The following SNX4 variants were observed in gnomAD, a reference collection of about 807,000 sequenced individuals.
The protein encoded by SNX4 is sorting nexin-4.
SNX4 carries 49 observed loss-of-function variants against 70.8 expected under a neutral mutation model. The observed-to-expected ratio is 0.69, with a 90% CI of 0.55 to 0.88. The LOEUF (loss-of-function observed/expected upper bound fraction) is 0.88, where lower values mean the gene tolerates loss of function less well. SNX4 is among the 40% of genes least tolerant of loss of function. SNX4 has a pLI of 0.00. For missense variants in SNX4, 528 were observed against 544.8 expected (o/e 0.97, Z 0.31); for synonymous variants, 206 against 183.8 (o/e 1.12, Z -0.98).
At chr3:125,511,115 T>C (rs1935163860) in intron 1 of SNX4, among the ~76,000 whole-genome samples, 1 of 152,158 alleles carries the variant, frequency 6.6e-6, no homozygotes, top group African/African-American at 2.4e-5. Flanking sequence ...AGTTTCTCCA[T>C]GTTGGTCAGG....
At chr3:125,514,096 T>C (rs1318611298) in intron 1 of SNX4, among the ~76,000 whole-genome samples, 1 of 151,586 alleles carries the variant, frequency 6.6e-6, no homozygotes, top group East Asian at 1.9e-4. Flanking sequence ...CATGATCTAA[T>C]CACCTTCCAA....
intron 6 of SNX4, among the ~76,000 whole-genome samples, chr3:125,487,303 A>C (rs1218402390): frequency 6.6e-6 from 1 of 152,200 alleles, no homozygotes; most frequent in Non-Finnish European, 1.5e-5. Flanking sequence ...TTTAGCAAGA[A>C]CATAAGGGCA....
intron 9 of SNX4, among the ~76,000 whole-genome samples, chr3:125,465,253 T>C (rs1456099176): frequency 1.3e-5 from 2 of 151,928 alleles, no homozygotes; most frequent in African/African-American, 4.8e-5. Flanking sequence ...TTTTTTTTTT[T>C]TGGGAGGTGG....
In SNX4 at chr3:125,489,247, T is replaced by C. The variant is rs903272441; in HGVS notation, c.653+161A>G. 5.6e-4 allele frequency among the ~76,000 whole-genome samples: 85 copies of C among 152,212 alleles called. 1 individual carries two copies. Among genetic ancestry groups the C allele is most frequent in the Admixed American group, 6.5e-4 (10 of 15,276 alleles). On this transcript the variant is annotated intron_variant, in intron 6 of 13. Coordinates refer to ENST00000251775, the MANE Select transcript of SNX4 (RefSeq NM_003794.4). Reference sequence around the variant, plus strand: ...CACAATCATACCCCCAATCAAGTTATCAAATTTCAAATTCAGTTTTAGACT... The same window carrying C: ...CACAATCATACCCCCAATCAAGTTACCAAATTTCAAATTCAGTTTTAGACT...
chr3:125,514,788 T>C (rs1935239833), intron 1 of SNX4, among the ~76,000 whole-genome samples: 1 of 152,044 alleles, frequency 6.6e-6, no homozygotes, highest in African/African-American at 2.4e-5. Context: ...TCCCTGGTTC[T>C]TGCTCCCACC....
chr3:125,478,269 C>G (rs372671485), intron 7 of SNX4, among the ~76,000 whole-genome samples: 1 of 151,442 alleles, frequency 6.6e-6, no homozygotes, highest in East Asian at 1.9e-4. Flanking sequence ...TAGTAAAGAC[C>G]ATGCTGGTCA....
chr3:125,519,021 TAAA>T, intron 1 of SNX4, among the ~76,000 whole-genome samples: 1 of 151,752 alleles, frequency 6.6e-6, no homozygotes, highest in Non-Finnish European at 1.5e-5. Flanking sequence ...AATAAATAAA[TAAA>T]TAAATTAATT....
At chr3:125,454,857 T>C (rs767922796) in intron 11 of SNX4, among the ~76,000 whole-genome samples, 2 of 152,202 alleles carry the variant, frequency 1.3e-5, no homozygotes, top group African/African-American at 2.4e-5. Context: ...TACAGAGTCA[T>C]AGCCAAGAAT....
intron 6 of SNX4, among the ~76,000 whole-genome samples, chr3:125,488,336 G>A (rs765682671): frequency 9.2e-5 from 14 of 151,882 alleles, no homozygotes; most frequent in African/African-American, 2.9e-4. Context: ...TTAACTGGGC[G>A]TTGTAGGGGG....
chr3:125,499,201 G>A (rs1934872977), intron 2 of SNX4, among the ~76,000 whole-genome samples: 1 of 152,122 alleles, frequency 6.6e-6, no homozygotes, highest in Admixed American at 6.6e-5. Flanking sequence ...GACTACTTAG[G>A]ATTTCTTGCC....
intron 7 of SNX4, among the ~76,000 whole-genome samples, chr3:125,479,154 A>G (rs1348009011): frequency 6.6e-6 from 1 of 152,198 alleles, no homozygotes; most frequent in Non-Finnish European, 1.5e-5. Flanking sequence ...ACCCAGCTTC[A>G]GTAATTACTA....
chr3:125,494,591 T>C (rs1209949035), intron 5 of SNX4, among the ~76,000 whole-genome samples: 1 of 152,242 alleles, frequency 6.6e-6, no homozygotes, highest in African/African-American at 2.4e-5. Flanking sequence ...ACAATCTTTC[T>C]CAAATTATCT....
intron 2 of SNX4, among the ~76,000 whole-genome samples, chr3:125,498,676 C>G (rs1934863950): frequency 6.6e-6 from 1 of 152,112 alleles, no homozygotes; most frequent in Admixed American, 6.6e-5. Context: ...TATGCTCTGC[C>G]TATGATCACA....
intron 8 of SNX4, among the ~76,000 whole-genome samples, chr3:125,471,019 A>G (rs1334522745): frequency 6.6e-6 from 1 of 152,106 alleles, no homozygotes; most frequent in Non-Finnish European, 1.5e-5. Context: ...GTCCCAACTT[A>G]AGGCACTTAA....
intron 1 of SNX4, among the ~76,000 whole-genome samples, chr3:125,510,865 A>G (rs1193339375): frequency 2.0e-5 from 3 of 152,194 alleles, no homozygotes; most frequent in Admixed American, 2.0e-4. Flanking sequence ...TGTACTTATG[A>G]CTGAACATTT....
At chr3:125,488,066 T>C (rs972930731) in intron 6 of SNX4, among the ~76,000 whole-genome samples, 1 of 148,610 alleles carries the variant, frequency 6.7e-6, no homozygotes, top group African/African-American at 2.5e-5. Flanking sequence ...GACAGGTCAA[T>C]GGGGAGGGGT....
intron 12 of SNX4, among the ~76,000 whole-genome samples, chr3:125,451,969 T>G (rs537024326): frequency 2.0e-5 from 3 of 152,164 alleles, no homozygotes; most frequent in Non-Finnish European, 4.4e-5. Flanking sequence ...CTTTAAATTA[T>G]TCCTATAAAA....
Position 125,449,106 on chromosome 3 carries a change from CTT to C in SNX4, c.1306-1282_1306-1281del, listed in dbSNP as rs1188658400. 2.0e-5 allele frequency: 3 copies of C among 151,982 alleles called. No homozygotes were observed. In the South Asian group the frequency reaches 6.2e-4, roughly 31 times the overall value. 9.4% of individuals were successfully genotyped at this position (151,982 alleles called of 1,614,324 possible). A position where few individuals can be genotyped will look rare whatever the true frequency, so the allele number is the denominator to read the frequency against. On this transcript the variant is annotated intron_variant, in intron 13 of 13. Coordinates refer to ENST00000251775, the MANE Select transcript of SNX4 (RefSeq NM_003794.4). ...ATTTATTAAGGTTTTGAACAATTTT[CTT>C]TTTCTTCTCTTTTCTTTTTGAAAGA...
At chr3:125,480,806 T>C (rs1289915009) in intron 6 of SNX4, among the ~76,000 whole-genome samples, 1 of 152,114 alleles carries the variant, frequency 6.6e-6, no homozygotes, top group Non-Finnish European at 1.5e-5. Context: ...AACCATCAGA[T>C]GGGAACGACT....
Sources: gnomAD v4.1 joint callset for allele counts (sites outside exome capture counted in the v4.1 genomes callset) on GRCh38, gnomAD v4.1.1 for gene constraint, MANE v1.5 for transcripts, NCBI Gene and HGNC (gene_info 2026-07-23, HGNC 2026-07-21) for gene names.